Variants in RNF43 observed in about 807,000 individuals in gnomAD.
RNF43 encodes E3 ubiquitin-protein ligase RNF43.
Under a neutral mutation model 78.4 loss-of-function variants are expected in RNF43, and 37 were observed. That is an observed-to-expected ratio of 0.47 (90% CI 0.36 to 0.62). The LOEUF (loss-of-function observed/expected upper bound fraction) is 0.62. Ranked by LOEUF, RNF43 falls within the 20% of genes least tolerant of loss-of-function variation. RNF43 has a pLI of 0.00. For synonymous variants in RNF43, 347 were observed against 395.0 expected, an observed-to-expected ratio of 0.88 and a Z score of 1.44; for missense variants, 774 against 1,007.9, an observed-to-expected ratio of 0.77 and a Z score of 3.14.
chr17:58,359,999 T>TCTG, intron 8 of RNF43, 150 bp downstream of exon 8: 1 of 462,736 alleles, frequency 2.2e-6, no homozygotes, highest in Non-Finnish European at 3.9e-6. Context: ...TCCCCTCGAG[T>TCTG]GAGGCACTCT....
downstream of RNF43, chr17:58,353,558 T>A (rs1028297310): frequency 4.8e-6 from 1 of 206,864 alleles, no homozygotes; most frequent in Non-Finnish European, 9.9e-6. Flanking sequence ...TATCCTTTCA[T>A]GAATCGGAGC....
downstream of RNF43, chr17:58,353,284 C>T (rs1972604776): frequency 4.6e-6 from 1 of 217,028 alleles, no homozygotes; most frequent in Non-Finnish European, 9.3e-6. Context: ...CACTTTGGAA[C>T]ATATTTTCTA....
rs749390535 is a variant in RNF43, at chr17:58,415,473, C to T, written c.105G>A (p.Ala35=). ...GTTCTGCTGATCTTTCAGACTCCACCGCTGCTGCCAGTACCAGTCCTGTGC... is the reference window on the plus strand; with the variant it reads ...GTTCTGCTGATCTTTCAGACTCCACTGCTGCTGCCAGTACCAGTCCTGTGC... ...FGRTGLVLAA[A]VESERSAEQK... Residue 35 remains alanine (A), a synonymous_variant, in exon 2 of 10, where the codon GCG becomes GCA. Coordinates refer to ENST00000407977, the MANE Select transcript of RNF43 (RefSeq NM_017763.6). 22 of 1,613,826 alleles carry T rather than the reference C, an allele frequency of 1.4e-5. No individual in the cohort carries two copies. Among genetic ancestry groups the T allele is most frequent in the African/African-American group, 2.7e-5 (2 of 74,928 alleles).
rs1973525923 is a variant in RNF43 at position 58,390,334 on chromosome 17, G to T, written c.253-19301C>A. 2.0e-5 allele frequency among the ~76,000 whole-genome samples: 3 copies of T among 152,164 alleles called. No individual in the cohort carries two copies. In the South Asian group the frequency reaches 6.2e-4, roughly 31 times the overall value. Reference sequence around the variant, plus strand: ...TCCTTTTTTTAAAAAAAATTTTCTAGAAGAATGTCACGTGGCCCTATCATT... The same window carrying T: ...TCCTTTTTTTAAAAAAAATTTTCTATAAGAATGTCACGTGGCCCTATCATT... On this transcript the variant is annotated intron_variant, in intron 2 of 9. Coordinates refer to ENST00000407977, the MANE Select transcript of RNF43 (RefSeq NM_017763.6).
At chr17:58,353,524 A>G (rs2143354834), downstream of RNF43, 1 of 202,358 alleles carries the variant, frequency 4.9e-6, no homozygotes, top group African/African-American at 2.3e-5. Flanking sequence ...ACCAGTTCTT[A>G]TTGCCAAGCC....
intron 2 of RNF43, among the ~76,000 whole-genome samples, chr17:58,408,797 C>A (rs1272075090): frequency 6.6e-6 from 1 of 152,116 alleles, no homozygotes; most frequent in Admixed American, 6.5e-5. Flanking sequence ...CTCAATACCA[C>A]AATATTCATT....
At chr17:58,393,763 A>G (rs1425922495) in intron 2 of RNF43, among the ~76,000 whole-genome samples, 4 of 152,290 alleles carry the variant, frequency 2.6e-5, no homozygotes, top group Admixed American at 1.3e-4. Context: ...GAATAGAAAC[A>G]CAACTGGAGG....
chr17:58,416,108 C>A, intron 1 of RNF43, 146 bp from the exon 2 acceptor site: 1 of 169,360 alleles, frequency 5.9e-6, no homozygotes, highest in Admixed American at 6.3e-5. Flanking sequence ...TGACTAAATA[C>A]CACAAGGAGA....
intron 2 of RNF43, among the ~76,000 whole-genome samples, chr17:58,372,785 C>CG (rs763023571): frequency 6.6e-6 from 1 of 152,160 alleles, no homozygotes. Context: ...ACCTGGAAGG[C>CG]TAACTAGGTA....
At chr17:58,390,487 T>C (rs144701837) in intron 2 of RNF43, among the ~76,000 whole-genome samples, 173 of 152,354 alleles carry the variant, frequency 1.1e-3, no homozygotes, top group African/African-American at 3.7e-3. Context: ...TCACCTTGAA[T>C]ACCAGTGAGT....
chr17:58,375,251 A>G (rs1018091086), intron 2 of RNF43, among the ~76,000 whole-genome samples: 2 of 152,060 alleles, frequency 1.3e-5, no homozygotes, highest in Non-Finnish European at 2.9e-5. Flanking sequence ...CAGCTCTTAC[A>G]AGGCTCCTCA....
At chr17:58,411,888 A>T (rs1365814834) in intron 2 of RNF43, among the ~76,000 whole-genome samples, 1 of 152,228 alleles carries the variant, frequency 6.6e-6, no homozygotes, top group Non-Finnish European at 1.5e-5. Flanking sequence ...GAAAACCGGA[A>T]ATTAGACAAT....
intron 2 of RNF43, among the ~76,000 whole-genome samples, chr17:58,399,161 C>G (rs966530789): frequency 2.0e-5 from 3 of 152,140 alleles, no homozygotes; most frequent in Non-Finnish European, 4.4e-5. Flanking sequence ...TAACAGGGAA[C>G]AGGTAAGTAG....
At chr17:58,362,879 A>T (rs1002168008) in intron 5 of RNF43, among the ~76,000 whole-genome samples, 1 of 152,078 alleles carries the variant, frequency 6.6e-6, no homozygotes, top group Non-Finnish European at 1.5e-5. Flanking sequence ...CTCAAAACCC[A>T]TGTGCTTGGG....
chr17:58,362,616 CACT>C lies in RNF43; in HGVS notation c.612_614del (p.Val206del). On this transcript the variant is annotated inframe_deletion, in exon 6 of 10. Coordinates refer to ENST00000407977, the MANE Select transcript of RNF43 (RefSeq NM_017763.6). ...GGATGATCACAAAGATGGTGCCCAC[CACT>C]GTCATTAGGATCCACACATCATAAT... The C allele has an allele frequency of 6.2e-7, 1 of 1,611,720 alleles. No individual in the cohort carries two copies. The highest frequency in any genetic ancestry group is 8.5e-7 in the Non-Finnish European group (1 of 1,178,900).
At chr17:58,398,693 T>C (rs1437457443) in intron 2 of RNF43, among the ~76,000 whole-genome samples, 2 of 152,214 alleles carry the variant, frequency 1.3e-5, no homozygotes, top group Non-Finnish European at 1.5e-5. Flanking sequence ...CTCAAGACTT[T>C]GTCCAATAGC....
In RNF43 at chr17:58,360,812, T is replaced by C; in HGVS notation, c.820A>G (p.Ile274Val). 6.2e-7 allele frequency: 1 copy of C among 1,612,626 alleles called. No individual in the cohort carries two copies. The highest frequency in any genetic ancestry group is 8.5e-7 in the Non-Finnish European group (1 of 1,179,336). Residue 274 changes from isoleucine (I) to valine (V), a missense_variant, in exon 7 of 10, where the codon ATC becomes GTC. Transcript: ENST00000407977. The surrounding 1 kb of genome is among the most constrained non-coding windows in gnomAD (Gnocchi z 4.3). ...CCCTCAGAGAACTCCTCCAGACAGATGGCACACACAGGGGCTGAGCTGCAG... is the reference window on the plus strand; with the variant it reads ...CCCTCAGAGAACTCCTCCAGACAGACGGCACACACAGGGGCTGAGCTGCAG... ...SSCSSAPVCA[I>V]CLEEFSEGQE... is the part of the protein sequence containing the mutation.
chr17:58,372,515 G>C (rs1206869213), intron 2 of RNF43, among the ~76,000 whole-genome samples: 2 of 152,216 alleles, frequency 1.3e-5, no homozygotes, highest in Non-Finnish European at 2.9e-5. Context: ...AGCTGCATTA[G>C]TCTCTCTATC....
At position 58,415,570 on chromosome 17, in the gene RNF43, C is replaced by T. The variant is rs2143697936; in HGVS notation, c.8G>A (p.Gly3Asp). The change falls in exon 2 of 10, where the codon GGT becomes GAT. Residue 3 changes from glycine (G) to aspartate (D), a missense_variant. By Grantham distance (94) the Gly-to-Asp change is moderately conservative. Transcript: ENST00000407977. ...GGCAGCCAGCTGCAGCTGGTGGCCA[C>T]CACTCATGCTACCAGCTGCAGCAAT... is the stretch of plus-strand genomic sequence containing the variant. MS[G>D]GHQLQLAALW... The T allele has an allele frequency of 6.2e-7, 1 of 1,607,338 alleles. No individual in the cohort carries two copies. Among genetic ancestry groups the T allele is most frequent in the Non-Finnish European group, 8.5e-7 (1 of 1,179,972 alleles).
Sources: gnomAD v4.1 joint callset for allele counts (sites outside exome capture counted in the v4.1 genomes callset) on GRCh38, gnomAD v4.1.1 for gene constraint, Gnocchi (gnomAD v3.1) non-coding constraint, MANE v1.5 for transcripts, NCBI Gene and HGNC (gene_info 2026-07-23, HGNC 2026-07-21) for gene names.